The following FUBP1 variants were observed in gnomAD, a reference collection of about 807,000 sequenced individuals.
FUBP1 encodes the protein far upstream element-binding protein 1.
In FUBP1, 16 loss-of-function variants were observed where a neutral mutation model predicts 94.9. The observed-to-expected ratio is 0.17, with a 90% CI of 0.11 to 0.26. The LOEUF is 0.26. FUBP1 is among the 10% of genes least tolerant of loss of function. The pLI, the probability that FUBP1 is intolerant of heterozygous loss-of-function variation, is 1.00. For missense variants in FUBP1, 583 were observed against 808.6 expected (o/e 0.72, Z 3.38); for synonymous variants, 279 against 254.9 (o/e 1.09, Z -0.90).
chr1:77,954,848 T>A (rs926689226), intron 18 of FUBP1, among the ~76,000 whole-genome samples: 1 of 152,212 alleles, frequency 6.6e-6, no homozygotes, highest in African/African-American at 2.4e-5. Flanking sequence ...GAAGCCAGAT[T>A]CTGGTTCCAT....
intron 18 of FUBP1, among the ~76,000 whole-genome samples, chr1:77,951,371 G>T (rs940655101): frequency 6.6e-6 from 1 of 152,162 alleles, no homozygotes; most frequent in African/African-American, 2.4e-5. Flanking sequence ...AAATAAGTTG[G>T]TAATATTTGA....
chr1:77,952,547 C>T (rs550325092), intron 18 of FUBP1, among the ~76,000 whole-genome samples: 2 of 152,228 alleles, frequency 1.3e-5, no homozygotes, highest in South Asian at 4.2e-4. Flanking sequence ...GCATCATACC[C>T]CTGCCACTGG....
intron 1 of FUBP1, 112 bp downstream of exon 1, chr1:77,978,773 G>T: frequency 7.6e-7 from 1 of 1,315,006 alleles, no homozygotes; most frequent in Non-Finnish European, 1.1e-6. Flanking sequence ...TCACATTTCA[G>T]CCCGGAAGAA....
Position 77,960,512 on chromosome 1 carries a change from G to A in FUBP1, c.1345-17C>T. 6.3e-7 allele frequency: 1 copy of A among 1,587,336 alleles called. No homozygotes were observed. The highest frequency in any genetic ancestry group is 2.3e-5 in the East Asian group (1 of 44,090). On this transcript the variant is annotated splice_polypyrimidine_tract_variant and intron_variant, in intron 14 of 19. Coordinates refer to ENST00000370768, the MANE Select transcript of FUBP1 (RefSeq NM_003902.5). The stretch of plus-strand genomic sequence containing the variant: ...TACTGGGCCCTACAAAAAAAAGGAT[G>A]ACATAGAAAAATCAGAAAAACACAG...
At chr1:77,957,882 G>A (rs1383449893) in intron 16 of FUBP1, among the ~76,000 whole-genome samples, 1 of 150,944 alleles carries the variant, frequency 6.6e-6, no homozygotes, top group African/African-American at 2.4e-5. Flanking sequence ...GGGCAGTGGA[G>A]CAATTCTCAA....
At position 77,964,714 on chromosome 1, in the gene FUBP1, C is replaced by G; in HGVS notation, c.769G>C (p.Asp257His). Residue 257 changes from aspartate to histidine, a missense_variant, in exon 10 of 20, where the codon GAT becomes CAT. Asp to His is a moderately conservative substitution (Grantham distance 81). Transcript: ENST00000370768. ...CGAACTTCTCTGAAACCGCCTTGAT[C>G]ACGAATTAACTCTAACACCATTTCC... ...AKEMVLELIR[D>H]QGGFREVRNE... The G allele has an allele frequency of 6.2e-7, 1 of 1,613,102 alleles. No individual in the cohort carries two copies. The highest frequency in any genetic ancestry group is 2.2e-5 in the East Asian group (1 of 44,872).
At chr1:77,972,225 C>A (rs1485388060) in intron 1 of FUBP1, among the ~76,000 whole-genome samples, 4 of 152,030 alleles carry the variant, frequency 2.6e-5, no homozygotes, top group Non-Finnish European at 5.9e-5. Flanking sequence ...TGCTGGGTAT[C>A]GACAGGCACT....
intron 19 of FUBP1, 104 bp downstream of exon 19, chr1:77,949,051 T>C (rs1396847130): frequency 9.0e-7 from 1 of 1,114,146 alleles, no homozygotes; most frequent in Non-Finnish European, 1.3e-6. Context: ...TATTATACTT[T>C]GCCAGATAAA....
intron 18 of FUBP1, among the ~76,000 whole-genome samples, chr1:77,952,558 A>C (rs1653680162): frequency 6.6e-6 from 1 of 152,220 alleles, no homozygotes; most frequent in African/African-American, 2.4e-5. Context: ...CTGCCACTGG[A>C]AAAGTCAACA....
chr1:77,949,064 T>A, intron 19 of FUBP1, 91 bp downstream of exon 19: 1 of 1,263,992 alleles, frequency 7.9e-7, no homozygotes, highest in Non-Finnish European at 1.1e-6. Flanking sequence ...CAGATAAAAA[T>A]TTAAAAGGCA....
Position 77,947,273 on chromosome 1 carries a change from T to A in FUBP1, c.*1493A>T, listed in dbSNP as rs905259260. ...AAATACTTACCCATTAAGCTCACTT[T>A]AAAAAAAATACAGAACTATGTATTA... On this transcript the variant is annotated 3_prime_UTR_variant, in exon 20 of 20. Transcript: ENST00000370768. 3.3e-6 allele frequency: 1 copy of A among 299,406 alleles called. No homozygotes were observed. Among genetic ancestry groups the A allele is most frequent in the Non-Finnish European group, 6.5e-6 (1 of 154,316 alleles). The allele number at this position is 299,406 out of a possible 1,614,324, so 18.5% of individuals were successfully genotyped here.
chr1:77,971,857 G>T (rs554763745), intron 1 of FUBP1, among the ~76,000 whole-genome samples: 115 of 151,874 alleles, frequency 7.6e-4, no homozygotes, highest in African/African-American at 2.3e-3. Flanking sequence ...AAAATACAAA[G>T]AAATTAGCTG....
chr1:77,947,773 AC>A lies in FUBP1; in HGVS notation c.*992del, dbSNP rs1558012303. On this transcript the variant is annotated 3_prime_UTR_variant, in exon 20 of 20. Transcript: ENST00000370768. Reference sequence around the variant, plus strand: ...CATTTACAAAACAAAGCTTATCTATACTGCATAAAGAAAAAAAAAAAGCTTG... The same window carrying A: ...CATTTACAAAACAAAGCTTATCTATATGCATAAAGAAAAAAAAAAAGCTTG... The A allele has an allele frequency of 1.5e-6, 1 of 670,830 alleles. No homozygotes were observed. Among genetic ancestry groups the A allele is most frequent in the Non-Finnish European group, 2.2e-6 (1 of 463,352 alleles). 41.6% of individuals were successfully genotyped at this position (670,830 alleles called of 1,614,324 possible).
At chr1:77,961,074 A>G (rs1344808355) in intron 14 of FUBP1, among the ~76,000 whole-genome samples, 1 of 152,218 alleles carries the variant, frequency 6.6e-6, no homozygotes, top group African/African-American at 2.4e-5. Context: ...CCTTTCATGT[A>G]TCATGATGTT....
chr1:77,978,819 C>A (rs1183623329), intron 1 of FUBP1, 66 bp downstream of exon 1: 1 of 1,586,752 alleles, frequency 6.3e-7, no homozygotes, highest in Non-Finnish European at 8.6e-7. Context: ...TTAAGGGTAG[C>A]GGCCTACTCA....
In FUBP1 at chr1:77,964,871, T is replaced by G; in HGVS notation, c.734A>C (p.Gln245Pro). The G allele has an allele frequency of 1.9e-6, 3 of 1,595,598 alleles. No homozygotes were observed. Among genetic ancestry groups the G allele is most frequent in the Non-Finnish European group, 2.6e-6 (3 of 1,163,242 alleles). ...TATAAAGTATAAAGTTAAGTTTACT[T>G]GAACTTTATATGGGTCTCCTGTAAT... ...LRITGDPYKV[Q>P]QAKEMVLELI... Residue 245 changes from glutamine (Q) to proline (P), a missense_variant and splice_region_variant, in exon 9 of 20, where the codon CAA becomes CCA. By Grantham distance (76) the Gln-to-Pro change is moderately conservative. Transcript: ENST00000370768.
At chr1:77,976,111 G>A (rs1486700085) in intron 1 of FUBP1, among the ~76,000 whole-genome samples, 1 of 152,162 alleles carries the variant, frequency 6.6e-6, no homozygotes, top group Non-Finnish European at 1.5e-5. Context: ...AAACAGCATA[G>A]TATTCTAGAC....
chr1:77,962,630 G>GTATC, intron 14 of FUBP1, 140 bp downstream of exon 14: 1 of 465,604 alleles, frequency 2.1e-6, no homozygotes, highest in Non-Finnish European at 3.8e-6. Flanking sequence ...TCTTCACGTT[G>GTATC]TATCTATTAT....
chr1:77,969,869 A>C (rs1657191674), intron 2 of FUBP1, 56 bp downstream of exon 2: 2 of 740,448 alleles, frequency 2.7e-6, no homozygotes, highest in East Asian at 5.3e-5. Flanking sequence ...AATACCGAGA[A>C]TCACTTCAAC....
Sources: gnomAD v4.1 joint callset for allele counts (sites outside exome capture counted in the v4.1 genomes callset) on GRCh38, gnomAD v4.1.1 for gene constraint, MANE v1.5 for transcripts, NCBI Gene and HGNC (gene_info 2026-07-23, HGNC 2026-07-21) for gene names.